Variants in ANKRD11 observed in about 807,000 individuals in gnomAD.
ANKRD11 encodes the protein ankyrin repeat domain 11, also known as ankyrin repeat domain-containing protein 11.
In ANKRD11, 17 loss-of-function variants were observed where a neutral mutation model predicts 195.7. That is an observed-to-expected ratio of 0.09 (90% CI 0.06 to 0.13). ANKRD11 has a LOEUF of 0.13. Among genes scored for constraint, ANKRD11 ranks in the 10% least tolerant of loss-of-function variants. The probability of loss-of-function intolerance (pLI) is 1.00; values close to 1 mark genes in which losing one functional copy is unlikely to be tolerated. For synonymous variants in ANKRD11, 1,953 were observed against 1,528.1 expected (o/e 1.28, Z -6.49); for missense variants, 3,735 against 3,566.1 (o/e 1.05, Z -1.21).
intron 1 of ANKRD11, among the ~76,000 whole-genome samples, chr16:89,448,640 T>C (rs2152310493): frequency 1.3e-5 from 2 of 152,308 alleles, no homozygotes; most frequent in East Asian, 3.9e-4. Context: ...ATACGCCTAA[T>C]TAAAAGCAGG....
intron 2 of ANKRD11, among the ~76,000 whole-genome samples, chr16:89,354,547 T>C (rs140918370): frequency 9.8e-5 from 15 of 152,314 alleles, no homozygotes; most frequent in African/African-American, 3.6e-4. Flanking sequence ...TAGGCTGGAA[T>C]ACTCAAGAGA....
intron 2 of ANKRD11, among the ~76,000 whole-genome samples, chr16:89,416,417 G>A (rs2042313796): frequency 6.6e-6 from 1 of 151,962 alleles, no homozygotes. Flanking sequence ...TCCTGCCTCA[G>A]CCTCCCAACT....
chr16:89,477,922 C>A (rs2057310905), intron 1 of ANKRD11, among the ~76,000 whole-genome samples: 1 of 152,100 alleles, frequency 6.6e-6, no homozygotes, highest in South Asian at 2.1e-4. Flanking sequence ...CACGCCACTG[C>A]ACTCCAGTCT....
At chr16:89,365,610 G>C (rs150596160) in intron 2 of ANKRD11, among the ~76,000 whole-genome samples, 1 of 152,320 alleles carries the variant, frequency 6.6e-6, no homozygotes, top group African/African-American at 2.4e-5. Flanking sequence ...AAAGAGGTAT[G>C]TTCACTCAAG....
chr16:89,413,716 G>A (rs1309286945), intron 2 of ANKRD11, among the ~76,000 whole-genome samples: 1 of 152,188 alleles, frequency 6.6e-6, no homozygotes, highest in African/African-American at 2.4e-5. Flanking sequence ...GCTGTCAGCA[G>A]CCGCCAGGAA....
At position 89,455,892 on chromosome 16, in the gene ANKRD11, G is replaced by C. The variant is rs374355203; in HGVS notation, c.-145+34353C>G. On this transcript the variant is annotated intron_variant, in intron 1 of 12. Transcript: ENST00000301030. The stretch of plus-strand genomic sequence containing the variant: ...CCACTCCTTGGTATATGCCCAAAAA[G>C]TGTTCAAATGGAAACCTGTGCACAC... Among the ~76,000 whole-genome samples, 7 of 152,250 alleles carry C rather than the reference G, an allele frequency of 4.6e-5. No individual in the cohort carries two copies. In the East Asian group the frequency reaches 9.6e-4, roughly 21 times the overall value.
At chr16:89,376,448 G>GT (rs1225458034) in intron 2 of ANKRD11, among the ~76,000 whole-genome samples, 2 of 152,106 alleles carry the variant, frequency 1.3e-5, no homozygotes, top group African/African-American at 2.4e-5. Flanking sequence ...TTTTGTTTTT[G>GT]TTTTTTTGAG....
intron 2 of ANKRD11, among the ~76,000 whole-genome samples, chr16:89,317,348 G>T (rs1418225280): frequency 6.6e-6 from 1 of 152,240 alleles, no homozygotes; most frequent in Non-Finnish European, 1.5e-5. Context: ...ATGGCCTAGG[G>T]TGTGGCTGTG....
chr16:89,293,098 G>A (rs2035171367), intron 4 of ANKRD11, among the ~76,000 whole-genome samples: 1 of 152,208 alleles, frequency 6.6e-6, no homozygotes, highest in Non-Finnish European at 1.5e-5. Flanking sequence ...GCCTGGAGAA[G>A]CAGCTGAGAA....
rs757557648 is a variant in ANKRD11, at chr16:89,357,936, G to A, written c.-59-40858C>T. Among the ~76,000 whole-genome samples the A allele has an allele frequency of 9.2e-5, 14 of 152,350 alleles. No homozygotes were observed. In the South Asian group the frequency reaches 2.7e-3, roughly 29 times the overall value. On this transcript the variant is annotated intron_variant, in intron 2 of 12. Transcript: ENST00000301030. ...ACTGGGATGAAAGTAATGAAAAGTA[G>A]TAAATCCTTTCAAAACAATCAGATT...
intron 2 of ANKRD11, among the ~76,000 whole-genome samples, chr16:89,346,197 A>T (rs2038930350): frequency 6.6e-6 from 1 of 151,182 alleles, no homozygotes; most frequent in Non-Finnish European, 1.5e-5. Flanking sequence ...GTAATGAGCC[A>T]AGATCACGCC....
chr16:89,466,709 G>C lies in ANKRD11; in HGVS notation c.-145+23536C>G, dbSNP rs188110739. 2.7e-3 allele frequency among the ~76,000 whole-genome samples: 410 copies of C among 152,292 alleles called. 2 individuals are homozygous for C. The highest frequency in any genetic ancestry group is 4.4e-3 in the Non-Finnish European group (300 of 68,014). On this transcript the variant is annotated intron_variant, in intron 1 of 12. Transcript: ENST00000301030. ...ACAGGTGTTAAAATTAGTAGACAAAGACATTAAAAGCTGTTGAACTGTATT... is the reference window on the plus strand; with the variant it reads ...ACAGGTGTTAAAATTAGTAGACAAACACATTAAAAGCTGTTGAACTGTATT...
intron 1 of ANKRD11, among the ~76,000 whole-genome samples, chr16:89,465,232 A>G (rs2056842241): frequency 6.6e-6 from 1 of 152,226 alleles, no homozygotes; most frequent in Admixed American, 6.5e-5. Flanking sequence ...TAAAAAGACA[A>G]GTCTGCATAT....
chr16:89,341,857 C>T (rs1233308811), intron 2 of ANKRD11, among the ~76,000 whole-genome samples: 1 of 144,912 alleles, frequency 6.9e-6, no homozygotes, highest in Non-Finnish European at 1.5e-5. Flanking sequence ...GCTGCACCTC[C>T]ACCCACAGCG....
chr16:89,296,992 G>C (rs968956760), intron 4 of ANKRD11, among the ~76,000 whole-genome samples: 4 of 152,206 alleles, frequency 2.6e-5, no homozygotes, highest in African/African-American at 4.8e-5. Flanking sequence ...TGTCCAGGAA[G>C]TGTGGCCCTC....
intron 2 of ANKRD11, among the ~76,000 whole-genome samples, chr16:89,393,578 G>A (rs532231252): frequency 3.6e-4 from 54 of 150,898 alleles, no homozygotes; most frequent in African/African-American, 1.3e-3. Context: ...CGACCTCAGA[G>A]TGATTTGCCC....
chr16:89,469,058 T>C (rs2056979655), intron 1 of ANKRD11, among the ~76,000 whole-genome samples: 1 of 152,034 alleles, frequency 6.6e-6, no homozygotes, highest in African/African-American at 2.4e-5. Context: ...GCAAACATCA[T>C]GGTTAATGGT....
intron 4 of ANKRD11, among the ~76,000 whole-genome samples, chr16:89,292,110 G>A (rs1245499093): frequency 6.6e-6 from 1 of 152,142 alleles, no homozygotes; most frequent in Non-Finnish European, 1.5e-5. Flanking sequence ...AGGTCATGGG[G>A]TGAAACTGCA....
At chr16:89,416,536 G>A (rs1345177288) in intron 2 of ANKRD11, among the ~76,000 whole-genome samples, 1 of 152,122 alleles carries the variant, frequency 6.6e-6, no homozygotes, top group East Asian at 1.9e-4. Flanking sequence ...GGCCTCAAGT[G>A]ATCCACCCAC....
Sources: gnomAD v4.1 joint callset for allele counts (sites outside exome capture counted in the v4.1 genomes callset) on GRCh38, gnomAD v4.1.1 for gene constraint, MANE v1.5 for transcripts, NCBI Gene and HGNC (gene_info 2026-07-23, HGNC 2026-07-21) for gene names.